CCSER1: variants seen among roughly 807,000 people sequenced by gnomAD.
The protein encoded by CCSER1 is serine-rich coiled-coil domain-containing protein 1.
A neutral mutation model predicts 82.0 loss-of-function variants in CCSER1; 41 were observed. That is an observed-to-expected ratio of 0.50 (90% CI 0.39 to 0.65). CCSER1 has a LOEUF of 0.65. Among genes scored for constraint, CCSER1 ranks in the 30% least tolerant of loss-of-function variants. The probability of loss-of-function intolerance (pLI) is 0.00; values close to 1 mark genes in which losing one functional copy is unlikely to be tolerated. For missense variants in CCSER1, 1,119 were observed against 1,064.2 expected (o/e 1.05, Z -0.72); for synonymous variants, 414 against 383.9 (o/e 1.08, Z -0.92).
chr4:91,029,126 A>C (rs1740747151), intron 9 of CCSER1, among the ~76,000 whole-genome samples: 1 of 152,052 alleles, frequency 6.6e-6, no homozygotes, highest in Non-Finnish European at 1.5e-5. Flanking sequence ...CATAGAAATC[A>C]AATGAAATGA....
chr4:90,837,902 T>C (rs1163504309), intron 8 of CCSER1, among the ~76,000 whole-genome samples: 1 of 152,164 alleles, frequency 6.6e-6, no homozygotes, highest in Non-Finnish European at 1.5e-5. Flanking sequence ...AACCATAAGA[T>C]AGATTTGAGG....
At chr4:91,526,877 G>A (rs1349093763) in intron 10 of CCSER1, among the ~76,000 whole-genome samples, 1 of 152,126 alleles carries the variant, frequency 6.6e-6, no homozygotes, top group Non-Finnish European at 1.5e-5. Flanking sequence ...ATAGGCGTGG[G>A]CCACTGTGCC....
At chr4:90,335,970 T>C (rs1740317648) in intron 3 of CCSER1, among the ~76,000 whole-genome samples, 1 of 152,240 alleles carries the variant, frequency 6.6e-6, no homozygotes, top group South Asian at 2.1e-4. Flanking sequence ...ATGTATATTC[T>C]TTCAATATTA....
intron 10 of CCSER1, among the ~76,000 whole-genome samples, chr4:91,425,090 G>T (rs1041813861): frequency 6.6e-6 from 1 of 151,870 alleles, no homozygotes; most frequent in Admixed American, 6.6e-5. Context: ...ATATATTTAA[G>T]AAATTAATTT....
chr4:90,199,864 A>G (rs1737320704), intron 1 of CCSER1, among the ~76,000 whole-genome samples: 1 of 152,120 alleles, frequency 6.6e-6, no homozygotes, highest in Admixed American at 6.6e-5. Context: ...CACAAACTTG[A>G]TATTTGCTTC....
At chr4:90,314,620 G>C (rs1046258763) in intron 3 of CCSER1, among the ~76,000 whole-genome samples, 3 of 151,928 alleles carry the variant, frequency 2.0e-5, no homozygotes, top group Non-Finnish European at 4.4e-5. Flanking sequence ...GCTAGAAGTG[G>C]TTGCACCTGT....
In CCSER1 at chr4:91,583,097, T is replaced by A. The variant is rs1763811299; in HGVS notation, c.2218-15475T>A. On this transcript the variant is annotated intron_variant, in intron 10 of 10. Transcript: ENST00000509176. ...GCCACTGATAAATTTCTCACTTTTA[T>A]TGAGGAATTTGTAAATATTTGGAGT... Among the ~76,000 whole-genome samples, 5 of 151,450 alleles carry A rather than the reference T, an allele frequency of 3.3e-5. No individual in the cohort carries two copies. In the South Asian group the frequency reaches 1.0e-3, roughly 31 times the overall value.
intron 3 of CCSER1, among the ~76,000 whole-genome samples, chr4:90,320,622 C>T (rs559096739): frequency 6.6e-5 from 10 of 152,202 alleles, no homozygotes; most frequent in African/African-American, 1.4e-4. Context: ...TATGGGTAAG[C>T]GAAGATTTTT....
At chr4:90,263,991 C>T (rs1456188084) in intron 1 of CCSER1, among the ~76,000 whole-genome samples, 5 of 152,160 alleles carry the variant, frequency 3.3e-5, no homozygotes, top group African/African-American at 1.2e-4. Flanking sequence ...TTTGCCCCCA[C>T]TTGGGGAAGC....
intron 10 of CCSER1, among the ~76,000 whole-genome samples, chr4:91,152,339 C>G (rs980253854): frequency 6.6e-6 from 1 of 152,170 alleles, no homozygotes; most frequent in Non-Finnish European, 1.5e-5. Flanking sequence ...AGATCTTCCT[C>G]CATCCCCTTA....
At chr4:91,327,014 A>C (rs568924566) in intron 10 of CCSER1, among the ~76,000 whole-genome samples, 24 of 152,290 alleles carry the variant, frequency 1.6e-4, no homozygotes, top group African/African-American at 3.4e-4. Flanking sequence ...ATTTTCATGG[A>C]CTGGCATAGA....
intron 2 of CCSER1, among the ~76,000 whole-genome samples, chr4:90,311,233 G>A: frequency 6.6e-6 from 1 of 152,132 alleles, no homozygotes; most frequent in Middle Eastern, 3.4e-3. Context: ...ATATAAAAAA[G>A]AGATAGAAAT....
intron 10 of CCSER1, among the ~76,000 whole-genome samples, chr4:91,362,007 G>C (rs994842177): frequency 6.6e-6 from 1 of 151,770 alleles, no homozygotes; most frequent in Non-Finnish European, 1.5e-5. Flanking sequence ...GAAACTGAGG[G>C]AGAAAACCAT....
At position 90,257,530 on chromosome 4, in the gene CCSER1, CAGATAGATAGAT is replaced by C. The variant is rs70963062; in HGVS notation, c.-41-50692_-41-50681del. Among the ~76,000 whole-genome samples, 44 of 150,202 alleles carry C rather than the reference CAGATAGATAGAT, an allele frequency of 2.9e-4. No homozygotes were observed. The South Asian group carries it at 6.7e-3, about 23-fold the overall frequency. On this transcript the variant is annotated intron_variant, in intron 1 of 10. Transcript: ENST00000509176. Reference sequence around the variant, plus strand: ...AGAGAGAGAGAGTGCCAATAGGATACAGATAGATAGATAGATAGATAGATAGATAGATACATA... The same window carrying C: ...AGAGAGAGAGAGTGCCAATAGGATACAGATAGATAGATAGATAGATACATA...
At chr4:90,381,646 G>A (rs929318508) in intron 3 of CCSER1, among the ~76,000 whole-genome samples, 2 of 151,990 alleles carry the variant, frequency 1.3e-5, no homozygotes, top group Non-Finnish European at 2.9e-5. Flanking sequence ...TAAAGAAAGA[G>A]GGGGAAAATG....
At chr4:91,538,270 T>A (rs968556120) in intron 10 of CCSER1, among the ~76,000 whole-genome samples, 1 of 152,026 alleles carries the variant, frequency 6.6e-6, no homozygotes, top group African/African-American at 2.4e-5. Context: ...ATTAAAATAA[T>A]TGAAGAAGGG....
At chr4:90,964,088 C>A (rs1044799030) in intron 9 of CCSER1, among the ~76,000 whole-genome samples, 3 of 151,988 alleles carry the variant, frequency 2.0e-5, no homozygotes, top group Non-Finnish European at 2.9e-5. Context: ...ATTGACATAC[C>A]TCCCTAAAAG....
intron 10 of CCSER1, among the ~76,000 whole-genome samples, chr4:91,555,425 A>G (rs989677187): frequency 7.9e-5 from 12 of 151,096 alleles, no homozygotes; most frequent in South Asian, 2.1e-4. Flanking sequence ...AATATACCAA[A>G]TATACTAAGA....
chr4:91,172,624 C>A (rs1357057292), intron 10 of CCSER1, among the ~76,000 whole-genome samples: 1 of 152,154 alleles, frequency 6.6e-6, no homozygotes, highest in Non-Finnish European at 1.5e-5. Flanking sequence ...TGTCATCACA[C>A]CACCCTAGTC....
Sources: gnomAD v4.1 joint callset for allele counts (sites outside exome capture counted in the v4.1 genomes callset) on GRCh38, gnomAD v4.1.1 for gene constraint, MANE v1.5 for transcripts, NCBI Gene and HGNC (gene_info 2026-07-23, HGNC 2026-07-21) for gene names.